CRYBG1: variants seen among roughly 807,000 people sequenced by gnomAD.
CRYBG1 encodes beta/gamma crystallin domain-containing protein 1.
Under a neutral mutation model 189.2 loss-of-function variants are expected in CRYBG1, and 139 were observed. The ratio of observed to expected loss-of-function variants is 0.73; its 90% confidence interval spans 0.64 to 0.85. The LOEUF (loss-of-function observed/expected upper bound fraction) is 0.85, where lower values mean the gene tolerates loss of function less well. Among genes scored for constraint, CRYBG1 ranks in the 40% least tolerant of loss-of-function variants. The pLI is 0.00. For synonymous variants in CRYBG1, 1,023 were observed against 1,017.1 expected, an observed-to-expected ratio of 1.01 and a Z score of -0.11; for missense variants, 2,611 against 2,675.8, an observed-to-expected ratio of 0.98 and a Z score of 0.53.
chr6:106,363,314 G>A (rs1226015606), intron 1 of CRYBG1, among the ~76,000 whole-genome samples: 1 of 149,938 alleles, frequency 6.7e-6, no homozygotes, highest in Admixed American at 6.6e-5. Flanking sequence ...TTATATTTTA[G>A]TGCAGTCTTG....
intron 1 of CRYBG1, among the ~76,000 whole-genome samples, chr6:106,405,228 G>A (rs1770799574): frequency 6.6e-6 from 1 of 152,208 alleles, no homozygotes; most frequent in Admixed American, 6.5e-5. Context: ...TGAGGCATGA[G>A]TAGGCAGTTT....
intron 1 of CRYBG1, among the ~76,000 whole-genome samples, chr6:106,440,269 T>TCTC (rs894820555): frequency 1.9e-4 from 10 of 53,670 alleles, no homozygotes; most frequent in Non-Finnish European, 2.6e-4. Context: ...TCTCTCTCTC[T>TCTC]TTTTTTTTCT....
intron 1 of CRYBG1, among the ~76,000 whole-genome samples, chr6:106,423,950 G>A (rs1047521823): frequency 3.9e-5 from 6 of 151,902 alleles, no homozygotes; most frequent in African/African-American, 9.7e-5. Flanking sequence ...AGCAATCTGC[G>A]CACCTCGGCC....
Position 106,361,044 on chromosome 6 carries a change from G to T in CRYBG1, c.136G>T (p.Val46Phe), listed in dbSNP as rs1771857145. ...QPAPPDCGVF[V>F]PHPLPAPAGE... is the part of the protein sequence containing the mutation. ...GGCGCCGCCTGACTGTGGGGTGTTC[G>T]TTCCGCACCCGCTCCCGGCGCCTGC... is the stretch of plus-strand genomic sequence containing the variant. The change falls in exon 1 of 22, where the codon GTT (valine) becomes TTT (phenylalanine). Residue 46 changes from valine to phenylalanine, a missense_variant. Physicochemically the swap from Val to Phe is conservative, Grantham distance 50 (BLOSUM62 -1). This residue lies in a region of CRYBG1 where 985 missense variants were observed against 924.4 expected (regional missense o/e 1.07). Transcript: ENST00000633556. The T allele has an allele frequency of 1.3e-6, 2 of 1,534,980 alleles. No homozygotes were observed. The highest frequency in any genetic ancestry group is 1.7e-6 in the Non-Finnish European group (2 of 1,146,560).
intron 7 of CRYBG1, 109 bp from the exon 8 acceptor site, chr6:106,530,067 G>T: frequency 9.5e-7 from 1 of 1,058,002 alleles, no homozygotes; most frequent in South Asian, 2.3e-5. Context: ...AAATGTGTTT[G>T]TAAATTTAAA....
chr6:106,444,102 G>T (rs944231777), intron 1 of CRYBG1, among the ~76,000 whole-genome samples: 5 of 152,054 alleles, frequency 3.3e-5, no homozygotes, highest in Non-Finnish European at 7.4e-5. Flanking sequence ...ACCCTCTTTT[G>T]CATTATTAAT....
intron 17 of CRYBG1, among the ~76,000 whole-genome samples, chr6:106,558,045 G>C (rs1774597853): frequency 6.6e-6 from 1 of 151,980 alleles, no homozygotes; most frequent in Non-Finnish European, 1.5e-5. Context: ...ATACATACAA[G>C]AGGAAGGTTC....
At chr6:106,558,354 G>A in intron 17 of CRYBG1, 132 bp from the exon 18 acceptor site, 1 of 674,200 alleles carries the variant, frequency 1.5e-6, no homozygotes, top group Non-Finnish European at 2.4e-6. Context: ...AGGCTCCCTT[G>A]GAAAAGGAGT....
At chr6:106,558,335 C>A in intron 17 of CRYBG1, 151 bp from the exon 18 acceptor site, 1 of 601,008 alleles carries the variant, frequency 1.7e-6, no homozygotes, top group Non-Finnish European at 2.8e-6. Flanking sequence ...TTGGAGTACA[C>A]AAACATCCAG....
At chr6:106,490,682 A>G (rs1193970580) in intron 2 of CRYBG1, among the ~76,000 whole-genome samples, 1 of 152,214 alleles carries the variant, frequency 6.6e-6, no homozygotes, top group African/African-American at 2.4e-5. Flanking sequence ...ACCTCTGTGC[A>G]TTGCAGAACT....
intron 1 of CRYBG1, among the ~76,000 whole-genome samples, chr6:106,409,340 G>GAACTACAAACCACTGCTCAAGGAA (rs1770882649): frequency 6.6e-6 from 1 of 152,112 alleles, no homozygotes; most frequent in African/African-American, 2.4e-5. Context: ...TCTTCAAGGA[G>GAACTACAAACCACTGCTCAAGGAA]AACTACAAAC....
At chr6:106,467,314 C>A (rs9400008) in intron 2 of CRYBG1, among the ~76,000 whole-genome samples, 11,272 of 151,470 alleles carry the variant, frequency 0.074, 586 homozygotes, top group East Asian at 0.22. Context: ...TCTCCAAAAA[C>A]TAAAAAAATT....
At chr6:106,436,295 CTTT>C (rs56333625) in intron 1 of CRYBG1, among the ~76,000 whole-genome samples, 1 of 139,686 alleles carries the variant, frequency 7.2e-6, no homozygotes, top group African/African-American at 2.6e-5. Context: ...CATGCAATCT[CTTT>C]TTTTTTTTTT....
intron 1 of CRYBG1, among the ~76,000 whole-genome samples, chr6:106,373,582 T>C (rs181725033): frequency 3.3e-5 from 5 of 152,338 alleles, no homozygotes; most frequent in African/African-American, 1.2e-4. Context: ...CTGAGTTTTA[T>C]TTTGATTTTC....
Position 106,512,950 on chromosome 6 carries a change from C to G in CRYBG1, c.1833C>G (p.Ala611=). ...GGRSRELGRA[A]GAPGASDADG... ...GAAGCAGAGAGCTGGGCAGAGCGGC[C>G]GGAGCGCCTGGAGCTTCTGACGCCG... The change falls in exon 3 of 22, where the codon GCC becomes GCG. Residue 611 remains alanine, a synonymous_variant. Transcript: ENST00000633556. 5 of 1,610,804 alleles carry G rather than the reference C, an allele frequency of 3.1e-6. No individual in the cohort carries two copies. The highest frequency in any genetic ancestry group is 4.2e-6 in the Non-Finnish European group (5 of 1,179,072).
intron 1 of CRYBG1, chr6:106,449,388 A>G (rs916985807): frequency 6.6e-6 from 1 of 152,384 alleles, no homozygotes. Context: ...ATCTATGGCC[A>G]CACCACCCTA....
At chr6:106,437,670 C>T (rs978294524) in intron 1 of CRYBG1, among the ~76,000 whole-genome samples, 7 of 152,322 alleles carry the variant, frequency 4.6e-5, no homozygotes, top group African/African-American at 1.7e-4. Context: ...CTCTTGGGCT[C>T]AATTGATCCT....
At chr6:106,465,475 G>A (rs1772097467) in intron 2 of CRYBG1, among the ~76,000 whole-genome samples, 1 of 152,178 alleles carries the variant, frequency 6.6e-6, no homozygotes, top group African/African-American at 2.4e-5. Context: ...TGCAACAGGA[G>A]GAAGGAGGAA....
intron 2 of CRYBG1, among the ~76,000 whole-genome samples, chr6:106,493,443 A>G (rs1582794266): frequency 6.6e-6 from 1 of 152,220 alleles, no homozygotes. Context: ...CAATTCCTCA[A>G]AAAGTTAAAA....
Sources: gnomAD v4.1 joint callset for allele counts (sites outside exome capture counted in the v4.1 genomes callset) on GRCh38, gnomAD v4.1.1 for gene constraint, gnomAD v4.1.1 regional missense constraint, MANE v1.5 for transcripts, NCBI Gene and HGNC (gene_info 2026-07-23, HGNC 2026-07-21) for gene names.